The following MYO16 variants were observed in gnomAD, a reference collection of about 807,000 sequenced individuals.
MYO16 encodes unconventional myosin-XVI.
In MYO16, 94 loss-of-function variants were observed where a neutral mutation model predicts 205.3. That is an observed-to-expected ratio of 0.46 (90% CI 0.39 to 0.54). The LOEUF is 0.54. Ranked by LOEUF, MYO16 falls within the 20% of genes least tolerant of loss-of-function variation. The pLI is 0.00. For synonymous variants in MYO16, 988 were observed against 954.0 expected, an observed-to-expected ratio of 1.04 and a Z score of -0.66; for missense variants, 2,315 against 2,387.5, an observed-to-expected ratio of 0.97 and a Z score of 0.63.
chr13:108,536,944 G>A, the MYO16 span, among the ~76,000 whole-genome samples: 1 of 152,046 alleles, frequency 6.6e-6, no homozygotes, highest in Non-Finnish European at 1.5e-5. Context: ...ACTAATGTTT[G>A]GGGTTTCTGA....
the MYO16 span, among the ~76,000 whole-genome samples, chr13:108,582,200 C>T: frequency 9.2e-5 from 14 of 152,058 alleles, no homozygotes; most frequent in Admixed American, 7.2e-4. Flanking sequence ...TTCTCTTGAC[C>T]GTTTGTGACT....
At chr13:108,799,072 A>AT (rs1886892569) in intron 6 of MYO16, among the ~76,000 whole-genome samples, 3 of 151,980 alleles carry the variant, frequency 2.0e-5, no homozygotes, top group South Asian at 4.1e-4. Flanking sequence ...AAGCAATTTT[A>AT]TTTTTTTCAC....
intron 22 of MYO16, among the ~76,000 whole-genome samples, chr13:109,015,256 G>T (rs1885764896): frequency 6.6e-6 from 1 of 152,178 alleles, no homozygotes; most frequent in Admixed American, 6.5e-5. Context: ...TTATGTGATG[G>T]ATTACGTTTA....
chr13:109,080,415 A>G (rs1888247678), intron 27 of MYO16, among the ~76,000 whole-genome samples: 2 of 152,278 alleles, frequency 1.3e-5, no homozygotes, highest in South Asian at 4.1e-4. Context: ...ATGGATTTTA[A>G]TTAAGTTAAA....
chr13:108,959,445 AG>A (rs1883500079), intron 17 of MYO16, among the ~76,000 whole-genome samples: 1 of 152,210 alleles, frequency 6.6e-6, no homozygotes, highest in South Asian at 2.1e-4. Context: ...TGATCCTCAA[AG>A]GCAGGGCAAG....
intron 12 of MYO16, among the ~76,000 whole-genome samples, chr13:108,867,150 C>T (rs575525025): frequency 8.6e-5 from 13 of 151,580 alleles, no homozygotes; most frequent in African/African-American, 2.9e-4. Flanking sequence ...TTGAGACCAT[C>T]CTGGGCAACA....
chr13:108,770,260 TA>T (rs570410624), intron 4 of MYO16, among the ~76,000 whole-genome samples: 2 of 152,334 alleles, frequency 1.3e-5, no homozygotes, highest in Admixed American at 1.3e-4. Context: ...CTCATTGAAA[TA>T]TTAATAGTAT....
the MYO16 span, among the ~76,000 whole-genome samples, chr13:108,564,465 G>A: frequency 1.2e-3 from 190 of 152,112 alleles, no homozygotes; most frequent in African/African-American, 1.6e-3. Flanking sequence ...CACTGCACCC[G>A]GTCCCTATTG....
In MYO16 at chr13:108,943,438, C is replaced by A. The variant is rs78652487; in HGVS notation, c.1926-14250C>A. 7.6e-3 allele frequency among the ~76,000 whole-genome samples: 1,153 copies of A among 152,112 alleles called. 17 individuals are homozygous for A. The highest frequency in any genetic ancestry group is 0.025 in the African/African-American group (1,050 of 41,488). On this transcript the variant is annotated intron_variant, in intron 16 of 34. Transcript: ENST00000457511. ...CAACATTTTTAAAATGTCAAATGAA[C>A]CTTGTTTCCTCTTTTTTTTATTTTT... is the stretch of plus-strand genomic sequence containing the variant.
At chr13:108,747,250 G>T (rs1005967039) in intron 4 of MYO16, among the ~76,000 whole-genome samples, 2 of 152,098 alleles carry the variant, frequency 1.3e-5, no homozygotes, top group Non-Finnish European at 2.9e-5. Flanking sequence ...AAGAAATAAA[G>T]ACAAAATTAA....
intron 1 of MYO16, 146 bp downstream of exon 1, chr13:108,630,018 G>A: frequency 1.7e-6 from 1 of 579,176 alleles, no homozygotes; most frequent in Non-Finnish European, 2.9e-6. Context: ...TATTTTACAG[G>A]CTGGATATAT....
chr13:108,970,304 A>T (rs1456392690), intron 20 of MYO16, among the ~76,000 whole-genome samples: 3 of 152,230 alleles, frequency 2.0e-5, no homozygotes, highest in Non-Finnish European at 4.4e-5. Context: ...TTGTGGTATA[A>T]TGAAAACATG....
intron 7 of MYO16, among the ~76,000 whole-genome samples, chr13:108,811,056 A>C (rs998913820): frequency 1.3e-5 from 2 of 152,138 alleles, no homozygotes; most frequent in Admixed American, 6.6e-5. Context: ...CTAGTCTTGT[A>C]TGTATTTACT....
the MYO16 span, among the ~76,000 whole-genome samples, chr13:108,515,883 G>A: frequency 3.3e-5 from 2 of 61,052 alleles, no homozygotes; most frequent in Non-Finnish European, 6.7e-5. Flanking sequence ...CTTCAAAGCT[G>A]TCAGACAGGG....
intron 2 of MYO16, among the ~76,000 whole-genome samples, chr13:108,688,556 G>C (rs1161844350): frequency 6.6e-6 from 1 of 152,084 alleles, no homozygotes; most frequent in South Asian, 2.1e-4. Flanking sequence ...GGTTGAGCTA[G>C]AGCTGCTCCA....
chr13:108,687,264 G>A (rs1048413691), intron 2 of MYO16, among the ~76,000 whole-genome samples: 48 of 152,226 alleles, frequency 3.2e-4, no homozygotes, highest in African/African-American at 8.7e-4. Flanking sequence ...GTGTCTTCTC[G>A]CCAGGGGTTT....
chr13:108,545,196 C>T, the MYO16 span, among the ~76,000 whole-genome samples: 1 of 152,088 alleles, frequency 6.6e-6, no homozygotes, highest in Non-Finnish European at 1.5e-5. Flanking sequence ...CTGTTGTTCC[C>T]TTCTTTGTGT....
At chr13:108,680,470 G>A (rs1488090217) in intron 2 of MYO16, among the ~76,000 whole-genome samples, 1 of 152,202 alleles carries the variant, frequency 6.6e-6, no homozygotes, top group African/African-American at 2.4e-5. Context: ...AATACATGGT[G>A]TCTGGATTAA....
At chr13:108,781,950 A>G (rs937774528) in intron 4 of MYO16, among the ~76,000 whole-genome samples, 3 of 152,196 alleles carry the variant, frequency 2.0e-5, no homozygotes, top group African/African-American at 7.2e-5. Context: ...TGTAAGTCCA[A>G]TTAAACCTCC....
Sources: gnomAD v4.1 joint callset for allele counts (sites outside exome capture counted in the v4.1 genomes callset) on GRCh38, gnomAD v4.1.1 for gene constraint, MANE v1.5 for transcripts, NCBI Gene and HGNC (gene_info 2026-07-23, HGNC 2026-07-21) for gene names.